Variants in MTRF1 observed in about 807,000 individuals in gnomAD.
MTRF1 encodes the protein mitochondrial translation release factor 1, also known as peptide chain release factor 1, mitochondrial.
Under a neutral mutation model 62.9 loss-of-function variants are expected in MTRF1, and 51 were observed. The observed-to-expected ratio is 0.81, with a 90% CI of 0.65 to 1.02. The LOEUF (loss-of-function observed/expected upper bound fraction) is 1.02. Among genes scored for constraint, MTRF1 ranks in the 50% least tolerant of loss-of-function variants. The pLI, the probability that MTRF1 is intolerant of heterozygous loss-of-function variation, is 0.00. For missense variants in MTRF1, 446 were observed against 530.0 expected, an observed-to-expected ratio of 0.84 and a Z score of 1.56; for synonymous variants, 158 against 181.9, an observed-to-expected ratio of 0.87 and a Z score of 1.06.
the MTRF1 span, among the ~76,000 whole-genome samples, chr13:41,306,734 T>C: frequency 6.6e-6 from 1 of 152,194 alleles, no homozygotes; most frequent in African/African-American, 2.4e-5. Flanking sequence ...TTTTACTTTA[T>C]GCATGATTCT....
At chr13:41,230,287 G>A (rs1000342238) in intron 7 of MTRF1, among the ~76,000 whole-genome samples, 13 of 149,372 alleles carry the variant, frequency 8.7e-5, no homozygotes, top group Admixed American at 5.3e-4. Context: ...TTTTTGAGAC[G>A]GAGTTTCACT....
intron 1 of MTRF1, chr13:41,263,248 A>T: frequency 7.8e-7 from 1 of 1,287,228 alleles, no homozygotes. Flanking sequence ...ACAAAACAAG[A>T]TGTTTACTCT....
chr13:41,311,611 C>T, the MTRF1 span: 28 of 1,591,120 alleles, frequency 1.8e-5, 1 homozygote, highest in South Asian at 2.4e-4. Context: ...CGCTGCCGCC[C>T]CCCGGTCCCC....
the MTRF1 span, among the ~76,000 whole-genome samples, chr13:41,269,012 A>G: frequency 6.9e-6 from 1 of 145,406 alleles, no homozygotes; most frequent in Middle Eastern, 3.6e-3. Flanking sequence ...TGACGTGACC[A>G]TCCCTTTTTT....
chr13:41,304,497 T>C, the MTRF1 span, among the ~76,000 whole-genome samples: 2 of 152,136 alleles, frequency 1.3e-5, no homozygotes, highest in African/African-American at 2.4e-5. Context: ...TACTCAACAA[T>C]AAATACTGTG....
At chr13:41,227,016 C>T (rs943630014) in intron 7 of MTRF1, among the ~76,000 whole-genome samples, 6 of 152,064 alleles carry the variant, frequency 3.9e-5, no homozygotes, top group South Asian at 2.1e-4. Flanking sequence ...AATGGCTGGG[C>T]GCAGTGGCTC....
the MTRF1 span, among the ~76,000 whole-genome samples, chr13:41,292,378 A>T: frequency 6.6e-6 from 1 of 152,044 alleles, no homozygotes; most frequent in Admixed American, 6.6e-5. Context: ...AGGTCAGGAG[A>T]TCGAGACCAT....
chr13:41,221,588 CTAGT>C (rs1210790012), intron 9 of MTRF1, among the ~76,000 whole-genome samples: 3 of 152,122 alleles, frequency 2.0e-5, no homozygotes, highest in Non-Finnish European at 4.4e-5. Flanking sequence ...TTCCAGTAGA[CTAGT>C]TAGTGATTAT....
intron 7 of MTRF1, chr13:41,229,037 A>C (rs558545929): frequency 7.2e-5 from 11 of 152,248 alleles, no homozygotes; most frequent in Non-Finnish European, 1.3e-4. Flanking sequence ...GCATGGCTTC[A>C]TAAGGGTTAG....
At position 41,262,624 on chromosome 13, in the gene MTRF1, GAGAATATA is replaced by G. The variant is rs1230187614; in HGVS notation, c.-9+853_-9+860del. 4 of 143,488 alleles carry G rather than the reference GAGAATATA, an allele frequency of 2.8e-5. No homozygotes were observed. The East Asian group carries it at 8.2e-4, about 29-fold the overall frequency. 8.9% of individuals were successfully genotyped at this position (143,488 alleles called of 1,614,324 possible). On this transcript the variant is annotated intron_variant, in intron 1 of 9. Coordinates refer to ENST00000379480, the MANE Select transcript of MTRF1 (RefSeq NM_004294.4). ...CAATGGTCTTACTGAGTAAGAAAGGGAGAATATAAAGTGTTCTAAGAAAACTCTAAGGT... is the reference window on the plus strand; with the variant it reads ...CAATGGTCTTACTGAGTAAGAAAGGGAAGTGTTCTAAGAAAACTCTAAGGT...
At chr13:41,280,238 A>C in the MTRF1 span, among the ~76,000 whole-genome samples, 1 of 152,102 alleles carries the variant, frequency 6.6e-6, no homozygotes, top group Non-Finnish European at 1.5e-5. Flanking sequence ...CCCGGCCCAC[A>C]ATCCTTTATC....
At chr13:41,269,185 G>T in the MTRF1 span, among the ~76,000 whole-genome samples, 789 of 95,700 alleles carry the variant, frequency 8.2e-3, no homozygotes, top group Middle Eastern at 0.016. Context: ...CTTTTACCTT[G>T]TTTTTTTTTT....
chr13:41,225,222 A>C (rs889366306), intron 8 of MTRF1, among the ~76,000 whole-genome samples: 11 of 151,658 alleles, frequency 7.3e-5, no homozygotes, highest in African/African-American at 2.2e-4. Flanking sequence ...AAAAAAAAAA[A>C]AAAAAACTTT....
chr13:41,306,896 G>A, the MTRF1 span, among the ~76,000 whole-genome samples: 1 of 152,160 alleles, frequency 6.6e-6, no homozygotes, highest in Non-Finnish European at 1.5e-5. Flanking sequence ...AAATGACTAA[G>A]CATTAAATTC....
chr13:41,233,850 GA>G (rs2036015820), intron 7 of MTRF1, 39 bp downstream of exon 7: 2 of 1,486,564 alleles, frequency 1.3e-6, no homozygotes, highest in Non-Finnish European at 1.9e-6. Context: ...GAGTAAGATG[GA>G]AAAAGGGTTA....
At chr13:41,270,040 A>G in the MTRF1 span, among the ~76,000 whole-genome samples, 1 of 152,250 alleles carries the variant, frequency 6.6e-6, no homozygotes, top group East Asian at 1.9e-4. Context: ...TTTAAGATGT[A>G]GCTATTTCCA....
At chr13:41,294,900 T>C in the MTRF1 span, among the ~76,000 whole-genome samples, 1 of 152,220 alleles carries the variant, frequency 6.6e-6, no homozygotes, top group African/African-American at 2.4e-5. Context: ...AAAATTTTGG[T>C]TCCCTATGTT....
At chr13:41,270,389 G>A in the MTRF1 span, among the ~76,000 whole-genome samples, 1 of 151,960 alleles carries the variant, frequency 6.6e-6, no homozygotes, top group African/African-American at 2.4e-5. Flanking sequence ...ATTAATTAGA[G>A]CTCTTTTAGA....
the MTRF1 span, among the ~76,000 whole-genome samples, chr13:41,269,469 A>G: frequency 4.6e-5 from 7 of 151,984 alleles, no homozygotes; most frequent in African/African-American, 1.2e-4. Flanking sequence ...AAGTACTGGG[A>G]TTACAGGAAT....
Sources: gnomAD v4.1 joint callset for allele counts (sites outside exome capture counted in the v4.1 genomes callset) on GRCh38, gnomAD v4.1.1 for gene constraint, MANE v1.5 for transcripts, NCBI Gene and HGNC (gene_info 2026-07-23, HGNC 2026-07-21) for gene names.